STIM1: variants seen among roughly 807,000 people sequenced by gnomAD.
The protein encoded by STIM1 is stromal interaction molecule 1.
A neutral mutation model predicts 74.7 loss-of-function variants in STIM1; 25 were observed. The ratio of observed to expected loss-of-function variants is 0.33; its 90% CI spans 0.24 to 0.47. STIM1 has a LOEUF of 0.47. Ranked by LOEUF, STIM1 falls within the 20% of genes least tolerant of loss-of-function variation. STIM1 has a pLI of 1.00. For missense variants in STIM1, 728 were observed against 920.8 expected, an observed-to-expected ratio of 0.79 and a Z score of 2.71; for synonymous variants, 328 against 348.8, an observed-to-expected ratio of 0.94 and a Z score of 0.66.
At chr11:4,058,204 G>C (rs1239994339) in intron 4 of STIM1, among the ~76,000 whole-genome samples, 1 of 152,190 alleles carries the variant, frequency 6.6e-6, no homozygotes, top group African/African-American at 2.4e-5. Context: ...TGCACAGTAG[G>C]AAACTGAGGT....
intron 2 of STIM1, among the ~76,000 whole-genome samples, chr11:4,022,335 C>CAAAAAAA (rs60560723): frequency 1.9e-5 from 2 of 105,032 alleles, no homozygotes; most frequent in Non-Finnish European, 3.7e-5. Flanking sequence ...GAACCTGTCT[C>CAAAAAAA]AAAAAAAAAA....
intron 10 of STIM1, among the ~76,000 whole-genome samples, chr11:4,083,929 G>A (rs1028420614): frequency 6.6e-6 from 1 of 152,064 alleles, no homozygotes; most frequent in African/African-American, 2.4e-5. Context: ...TTGTGTTTTT[G>A]TGAGAGGCCC....
chr11:4,039,882 C>T (rs1470880969), intron 3 of STIM1, among the ~76,000 whole-genome samples: 3 of 152,028 alleles, frequency 2.0e-5, no homozygotes, highest in Admixed American at 6.5e-5. Context: ...ATTCTCCTGC[C>T]TCAGCCTCCC....
chr11:3,880,107 C>T (rs975207155), intron 1 of STIM1, among the ~76,000 whole-genome samples: 3 of 152,162 alleles, frequency 2.0e-5, no homozygotes, highest in South Asian at 2.1e-4. Flanking sequence ...AGTTTGAAAT[C>T]TGGCTTTGCT....
At chr11:4,077,178 G>C (rs1171410799) in intron 7 of STIM1, among the ~76,000 whole-genome samples, 1 of 151,686 alleles carries the variant, frequency 6.6e-6, no homozygotes, top group East Asian at 1.9e-4. Context: ...TTTAGGTCAT[G>C]AAGTATTGAC....
At chr11:3,932,395 G>A (rs2092876381) in intron 1 of STIM1, among the ~76,000 whole-genome samples, 1 of 152,166 alleles carries the variant, frequency 6.6e-6, no homozygotes, top group African/African-American at 2.4e-5. Context: ...GGGTGTGGTG[G>A]CTCACGCCTG....
chr11:3,942,319 A>G (rs2093021626), intron 1 of STIM1, among the ~76,000 whole-genome samples: 1 of 152,232 alleles, frequency 6.6e-6, no homozygotes, highest in African/African-American at 2.4e-5. Flanking sequence ...CACTATGCAT[A>G]GCCTCCATTT....
chr11:3,901,141 A>G (rs968240632), intron 1 of STIM1, among the ~76,000 whole-genome samples: 3 of 152,202 alleles, frequency 2.0e-5, no homozygotes, highest in Non-Finnish European at 4.4e-5. Flanking sequence ...CAGTCACACC[A>G]CTGCACTCCA....
chr11:3,871,971 T>G (rs189182104), intron 1 of STIM1, among the ~76,000 whole-genome samples: 2 of 152,354 alleles, frequency 1.3e-5, no homozygotes, highest in East Asian at 3.8e-4. Flanking sequence ...GATGATCTGT[T>G]CTTTGCAATT....
At chr11:3,924,939 T>C (rs1005891673) in intron 1 of STIM1, among the ~76,000 whole-genome samples, 1 of 152,178 alleles carries the variant, frequency 6.6e-6, no homozygotes, top group Admixed American at 6.5e-5. Context: ...TAACAGAACA[T>C]AGCAAATACC....
At chr11:3,885,236 T>A (rs2091662838) in intron 1 of STIM1, among the ~76,000 whole-genome samples, 1 of 152,050 alleles carries the variant, frequency 6.6e-6, no homozygotes, top group Non-Finnish European at 1.5e-5. Flanking sequence ...TGGAGTGCAG[T>A]GGTGCAGTCA....
chr11:3,955,212 TGG>T (rs986285128), intron 1 of STIM1, among the ~76,000 whole-genome samples: 5 of 152,110 alleles, frequency 3.3e-5, no homozygotes, highest in Non-Finnish European at 5.9e-5. Context: ...AGTGGTTGTG[TGG>T]GGAGGGAGAA....
chr11:3,932,751 A>G (rs1465428415), intron 1 of STIM1, among the ~76,000 whole-genome samples: 6 of 151,950 alleles, frequency 3.9e-5, no homozygotes, highest in Non-Finnish European at 7.4e-5. Context: ...CAGAAAGGAG[A>G]CAGCCATCTA....
chr11:3,919,157 A>G (rs1362247833), intron 1 of STIM1, among the ~76,000 whole-genome samples: 1 of 152,212 alleles, frequency 6.6e-6, no homozygotes, highest in Non-Finnish European at 1.5e-5. Context: ...TAGCAGAGCC[A>G]GTCATTGTCT....
At chr11:3,917,444 T>A (rs1395928240) in intron 1 of STIM1, among the ~76,000 whole-genome samples, 1 of 151,732 alleles carries the variant, frequency 6.6e-6, no homozygotes, top group Non-Finnish European at 1.5e-5. Flanking sequence ...TGTTTTTTTT[T>A]TTTTTTTTGA....
At chr11:4,073,938 C>T (rs1016900382) in intron 6 of STIM1, among the ~76,000 whole-genome samples, 1 of 152,122 alleles carries the variant, frequency 6.6e-6, no homozygotes, top group African/African-American at 2.4e-5. Flanking sequence ...TTCCCTAATC[C>T]ACCCCTCTGC....
At position 3,899,650 on chromosome 11, in the gene STIM1, G is replaced by C. The variant is rs113032496; in HGVS notation, c.139+43241G>C. Among the ~76,000 whole-genome samples, 1,309 of 151,134 alleles carry C rather than the reference G, an allele frequency of 8.7e-3. 14 individuals are homozygous for C. The highest frequency in any genetic ancestry group is 0.03 in the African/African-American group (1,236 of 40,822). ...TCCATTCAGTATGATATTGGCTGTG[G>C]GTTTGTCATAGATAGCTCTTATTAT... is the stretch of plus-strand genomic sequence containing the variant. On this transcript the variant is annotated intron_variant, in intron 1 of 12. Coordinates refer to ENST00000526596, the MANE Select transcript of STIM1 (RefSeq NM_001382567.1).
Position 4,040,764 on chromosome 11 carries a change from A to C in STIM1, c.386-14762A>C, listed in dbSNP as rs376404892. Among the ~76,000 whole-genome samples, 10 of 152,302 alleles carry C rather than the reference A, an allele frequency of 6.6e-5. No individual in the cohort carries two copies. The South Asian group carries it at 2.1e-3, about 32-fold the overall frequency. ...CACCTAGGTTCTCTTACTACTCTGC[A>C]GCCATGCTGCCAGACTTCTCTAATC... is the stretch of plus-strand genomic sequence containing the variant. On this transcript the variant is annotated intron_variant, in intron 3 of 12. Coordinates refer to ENST00000526596, the MANE Select transcript of STIM1 (RefSeq NM_001382567.1).
At position 4,036,745 on chromosome 11, in the gene STIM1, C is replaced by G. The variant is rs1295251173; in HGVS notation, c.385+12758C>G. Among the ~76,000 whole-genome samples the G allele has an allele frequency of 2.0e-5, 3 of 152,146 alleles. No individual in the cohort carries two copies. In the East Asian group the frequency reaches 5.8e-4, roughly 29 times the overall value. On this transcript the variant is annotated intron_variant, in intron 3 of 12. Transcript: ENST00000526596. The stretch of plus-strand genomic sequence containing the variant: ...TATTTGTTTAAGTTCCTTGAGGACT[C>G]TGGATATTAGACCTTTGTCAGATGG...
Sources: gnomAD v4.1 joint callset for allele counts (sites outside exome capture counted in the v4.1 genomes callset) on GRCh38, gnomAD v4.1.1 for gene constraint, MANE v1.5 for transcripts, NCBI Gene and HGNC (gene_info 2026-07-23, HGNC 2026-07-21) for gene names.